The following ATXN8OS variants were observed in gnomAD, a reference collection of about 807,000 sequenced individuals.
The protein encoded by ATXN8OS is ATXN8 opposite strand lncRNA.
At chr13:70,111,067 A>T (rs901695434) in intron 1 of ATXN8OS, among the ~76,000 whole-genome samples, 1 of 152,218 alleles carries the variant, frequency 6.6e-6, no homozygotes, top group Non-Finnish European at 1.5e-5. Flanking sequence ...TGGTTGCCAT[A>T]GTTTCCTGAA....
At chr13:70,164,976 C>T (rs1179460079) in intron 4 of ATXN8OS, among the ~76,000 whole-genome samples, 1 of 151,870 alleles carries the variant, frequency 6.6e-6, no homozygotes, top group Non-Finnish European at 1.5e-5. Flanking sequence ...AAAAGTGACA[C>T]TCTAAAGGAC....
chr13:70,164,567 C>G (rs917365893), intron 4 of ATXN8OS, among the ~76,000 whole-genome samples: 9 of 151,982 alleles, frequency 5.9e-5, no homozygotes, highest in African/African-American at 2.2e-4. Context: ...ATGCAGCTAC[C>G]TATCTTTGTC....
chr13:70,130,882 C>T (rs1888522607), intron 3 of ATXN8OS: 6 of 398,214 alleles, frequency 1.5e-5, no homozygotes, highest in Non-Finnish European at 1.3e-5. Flanking sequence ...ACAAGAAGGT[C>T]CATCCCAAAC....
intron 2 of ATXN8OS, among the ~76,000 whole-genome samples, chr13:70,120,674 C>T (rs540401997): frequency 6.6e-5 from 10 of 152,266 alleles, no homozygotes; most frequent in Admixed American, 4.6e-4. Flanking sequence ...TGGAAAATGA[C>T]AATGCACTGA....
intron 3 of ATXN8OS, among the ~76,000 whole-genome samples, chr13:70,132,803 T>C (rs989497115): frequency 6.6e-6 from 1 of 152,148 alleles, no homozygotes; most frequent in African/African-American, 2.4e-5. Context: ...AACCTCTTCA[T>C]ATAAATGTGC....
chr13:70,137,967 G>A (rs780945323), intron 3 of ATXN8OS, among the ~76,000 whole-genome samples: 10 of 152,156 alleles, frequency 6.6e-5, no homozygotes, highest in Admixed American at 2.0e-4. Context: ...GTGGAGCAGG[G>A]GATAGAGAGA....
intron 3 of ATXN8OS, among the ~76,000 whole-genome samples, chr13:70,143,012 G>C (rs1016067874): frequency 2.0e-5 from 3 of 151,652 alleles, no homozygotes; most frequent in African/African-American, 7.3e-5. Flanking sequence ...GGCAGAGGTT[G>C]CCGTGAGCCG....
intron 3 of ATXN8OS, among the ~76,000 whole-genome samples, chr13:70,132,858 A>T (rs893160574): frequency 1.2e-4 from 16 of 139,042 alleles, no homozygotes; most frequent in Middle Eastern, 3.8e-3. Context: ...ACTAAAGTCT[A>T]TTTTTTTTTT....
At chr13:70,121,021 T>C (rs998595555) in intron 2 of ATXN8OS, among the ~76,000 whole-genome samples, 3 of 151,800 alleles carry the variant, frequency 2.0e-5, no homozygotes, top group Admixed American at 1.3e-4. Flanking sequence ...TGTATACATA[T>C]GTAACTAACC....
At chr13:70,135,352 T>C (rs955648206) in intron 3 of ATXN8OS, among the ~76,000 whole-genome samples, 1 of 152,132 alleles carries the variant, frequency 6.6e-6, no homozygotes, top group Non-Finnish European at 1.5e-5. Flanking sequence ...AAACTCCTTA[T>C]CCTATTTCAT....
At chr13:70,146,537 G>A (rs1316623576) in intron 3 of ATXN8OS, among the ~76,000 whole-genome samples, 1 of 152,110 alleles carries the variant, frequency 6.6e-6, no homozygotes, top group East Asian at 1.9e-4. Context: ...ACGATAGACT[G>A]GATTAAGAAA....
chr13:70,148,862 G>A (rs1177572352), intron 4 of ATXN8OS, among the ~76,000 whole-genome samples: 2 of 152,076 alleles, frequency 1.3e-5, no homozygotes, highest in African/African-American at 4.8e-5. Context: ...ATGCAGAACT[G>A]ATTTTGGTAA....
At chr13:70,134,831 A>AATCTGAGGGCAT (rs562615613) in intron 3 of ATXN8OS, among the ~76,000 whole-genome samples, 208 of 152,222 alleles carry the variant, frequency 1.4e-3, no homozygotes, top group African/African-American at 4.6e-3. Flanking sequence ...GAAGTACCAA[A>AATCTGAGGGCAT]ATCTGAGGGC....
chr13:70,155,178 G>A (rs1044500489), intron 4 of ATXN8OS, among the ~76,000 whole-genome samples: 3 of 152,112 alleles, frequency 2.0e-5, no homozygotes, highest in South Asian at 2.1e-4. Context: ...CATGGTAATC[G>A]TGCAATTGAT....
chr13:70,133,939 T>C (rs1888569930), intron 3 of ATXN8OS, among the ~76,000 whole-genome samples: 1 of 152,210 alleles, frequency 6.6e-6, no homozygotes, highest in Non-Finnish European at 1.5e-5. Flanking sequence ...GTCATATCCT[T>C]CCAGAAATTA....
chr13:70,110,544 A>G (rs2137466909), intron 1 of ATXN8OS, among the ~76,000 whole-genome samples: 1 of 152,006 alleles, frequency 6.6e-6, no homozygotes, highest in South Asian at 2.1e-4. Context: ...GAAAGTGAGA[A>G]GGACGAGAAG....
chr13:70,123,630 G>A (rs1185163673), intron 2 of ATXN8OS, among the ~76,000 whole-genome samples: 1 of 151,840 alleles, frequency 6.6e-6, no homozygotes, highest in Non-Finnish European at 1.5e-5. Flanking sequence ...AATCAAATGA[G>A]AACTATTTGG....
intron 4 of ATXN8OS, among the ~76,000 whole-genome samples, chr13:70,151,404 G>C (rs1019283915): frequency 1.3e-5 from 2 of 151,926 alleles, no homozygotes; most frequent in African/African-American, 4.8e-5. Context: ...TTCTGTGACT[G>C]GCTTATTTCA....
At chr13:70,170,843 C>T (rs1185822394) in exon 5 of ATXN8OS, among the ~76,000 whole-genome samples, 1 of 152,052 alleles carries the variant, frequency 6.6e-6, no homozygotes, top group African/African-American at 2.4e-5. Context: ...CACACCTATG[C>T]TTTGTGGTGT....
Sources: allele counts gnomAD v4.1 joint callset (sites outside exome capture counted in the v4.1 genomes callset), GRCh38; gene constraint gnomAD v4.1.1; transcripts MANE v1.5; gene names NCBI Gene and HGNC (gene_info 2026-07-23, HGNC 2026-07-21).